FER: variants seen among roughly 807,000 people sequenced by gnomAD.
FER encodes the protein FER tyrosine kinase.
In FER, 63 loss-of-function variants were observed where a neutral mutation model predicts 111.0. The observed-to-expected ratio is 0.57, with a 90% confidence interval of 0.46 to 0.70. The LOEUF is 0.70. Among genes scored for constraint, FER ranks in the 30% least tolerant of loss-of-function variants. FER has a pLI of 0.00. For missense variants in FER, 914 were observed against 954.0 expected, an observed-to-expected ratio of 0.96 and a Z score of 0.55; for synonymous variants, 327 against 313.9, an observed-to-expected ratio of 1.04 and a Z score of -0.44.
At chr5:109,123,310 C>T (rs1426633756) in intron 17 of FER, among the ~76,000 whole-genome samples, 8 of 151,894 alleles carry the variant, frequency 5.3e-5, no homozygotes, top group African/African-American at 9.7e-5. Flanking sequence ...CACCCGCCAC[C>T]GTGCCCAGCT....
chr5:108,997,100 A>G (rs1764087406), intron 13 of FER, among the ~76,000 whole-genome samples: 1 of 152,066 alleles, frequency 6.6e-6, no homozygotes, highest in African/African-American at 2.4e-5. Flanking sequence ...AAATTTGCAC[A>G]TTGATTTTGT....
chr5:109,103,966 A>G (rs548239653), intron 17 of FER, among the ~76,000 whole-genome samples: 4 of 152,328 alleles, frequency 2.6e-5, no homozygotes, highest in Admixed American at 2.0e-4. Flanking sequence ...TAAAAGGAGG[A>G]CACACTTTTT....
At chr5:109,064,596 A>T (rs1581870008) in intron 16 of FER, among the ~76,000 whole-genome samples, 1 of 152,126 alleles carries the variant, frequency 6.6e-6, no homozygotes, top group South Asian at 2.1e-4. Flanking sequence ...TGAGCCATAG[A>T]TGCATTATGT....
At chr5:108,971,272 CAAAAAAAAAAAA>C (rs201694196) in intron 13 of FER, among the ~76,000 whole-genome samples, 1,502 of 76,416 alleles carry the variant, frequency 0.02, 30 homozygotes, top group African/African-American at 0.057. Flanking sequence ...GAACCTGTCT[CAAAAAAAAAAAA>C]AAAAAAAAAA....
chr5:109,054,850 C>T (rs1033018419), intron 16 of FER, among the ~76,000 whole-genome samples: 13 of 152,188 alleles, frequency 8.5e-5, no homozygotes, highest in Admixed American at 8.5e-4. Flanking sequence ...ACTATTCTTT[C>T]TCTCTTGACT....
intron 10 of FER, 72 bp downstream of exon 10, chr5:108,897,920 T>C: frequency 7.6e-7 from 1 of 1,313,432 alleles, no homozygotes. Flanking sequence ...ACAAAAATTA[T>C]TTAAATTTGC....
At chr5:108,823,971 A>G (rs1759171449) in intron 3 of FER, among the ~76,000 whole-genome samples, 1 of 151,840 alleles carries the variant, frequency 6.6e-6, no homozygotes, top group South Asian at 2.1e-4. Context: ...TAAGATAGGG[A>G]TCCAGTTTCA....
intron 1 of FER, among the ~76,000 whole-genome samples, chr5:108,762,580 C>A (rs575906712): frequency 5.9e-5 from 9 of 152,274 alleles, no homozygotes; most frequent in Admixed American, 4.6e-4. Flanking sequence ...AAGCTCAAGT[C>A]CTTAAAATGA....
intron 17 of FER, among the ~76,000 whole-genome samples, chr5:109,179,831 G>A (rs955975437): frequency 6.6e-6 from 1 of 152,102 alleles, no homozygotes; most frequent in South Asian, 2.1e-4. Context: ...GGTATCTGAG[G>A]GGGGGTCCTG....
intron 16 of FER, among the ~76,000 whole-genome samples, chr5:109,097,282 AT>A (rs1747657609): frequency 6.6e-6 from 1 of 151,882 alleles, no homozygotes; most frequent in African/African-American, 2.4e-5. Context: ...CATTGTAAGT[AT>A]TGTCTTAGAA....
intron 13 of FER, among the ~76,000 whole-genome samples, chr5:108,988,905 T>A (rs1312943003): frequency 6.6e-6 from 1 of 152,124 alleles, no homozygotes; most frequent in Admixed American, 6.6e-5. Flanking sequence ...TCTTTCAGAC[T>A]TTTTGATGTA....
chr5:109,027,824 T>G (rs1480155188), intron 13 of FER, among the ~76,000 whole-genome samples: 1 of 152,196 alleles, frequency 6.6e-6, no homozygotes, highest in Admixed American at 6.5e-5. Context: ...ACTACATTTG[T>G]GAGGCAAAAT....
At chr5:108,913,258 T>A (rs79259604) in intron 10 of FER, among the ~76,000 whole-genome samples, 1 of 152,226 alleles carries the variant, frequency 6.6e-6, no homozygotes. Context: ...TTGAACATGC[T>A]TGATATTGCA....
At chr5:109,103,082 A>G (rs1176003972) in intron 17 of FER, among the ~76,000 whole-genome samples, 1 of 152,144 alleles carries the variant, frequency 6.6e-6, no homozygotes, top group Non-Finnish European at 1.5e-5. Flanking sequence ...GAATTAAAAT[A>G]ATGTAAAACA....
At chr5:108,797,973 ACTT>A (rs1756225490) in intron 2 of FER, 148 bp from the exon 3 acceptor site, 3 of 476,046 alleles carry the variant, frequency 6.3e-6, no homozygotes, top group South Asian at 3.4e-5. Flanking sequence ...AATAGGGTGG[ACTT>A]CTTCATCTTG....
intron 3 of FER, among the ~76,000 whole-genome samples, chr5:108,814,433 A>G (rs551254301): frequency 6.6e-6 from 1 of 152,302 alleles, no homozygotes; most frequent in South Asian, 2.1e-4. Context: ...AAGAGGAGAA[A>G]TGTGTCCACC....
chr5:108,869,816 CT>C (rs1764433461), intron 6 of FER, among the ~76,000 whole-genome samples: 1 of 151,994 alleles, frequency 6.6e-6, no homozygotes, highest in Non-Finnish European at 1.5e-5. Flanking sequence ...TTTTACTTCT[CT>C]TTATGTGAAA....
chr5:108,771,500 T>C (rs1411168049), intron 2 of FER, among the ~76,000 whole-genome samples: 2 of 152,164 alleles, frequency 1.3e-5, no homozygotes, highest in Non-Finnish European at 2.9e-5. Flanking sequence ...TTCTGTGACC[T>C]GCCCAAGATC....
rs1324310320 is a variant in FER at position 108,845,026 on chromosome 5, A to G, written c.481+9219A>G. Among the ~76,000 whole-genome samples, 32 of 53,532 alleles carry G rather than the reference A, an allele frequency of 6.0e-4. 2 individuals carry two copies. Among genetic ancestry groups the G allele is most frequent in the East Asian group, 1.9e-3 (3 of 1,552 alleles). The allele number at this position is 53,532 out of a possible 152,430, so 35.1% of individuals were successfully genotyped here. A position where few individuals can be genotyped will look rare whatever the true frequency, so the allele number is the denominator to read the frequency against. On this transcript the variant is annotated intron_variant, in intron 5 of 19. Transcript: ENST00000281092. ...TATATATATATATATATATATATAT[A>G]TATATATATATATACATATATATAT...
Sources: gnomAD v4.1 joint callset for allele counts (sites outside exome capture counted in the v4.1 genomes callset) on GRCh38, gnomAD v4.1.1 for gene constraint, MANE v1.5 for transcripts, NCBI Gene and HGNC (gene_info 2026-07-23, HGNC 2026-07-21) for gene names.